Variants in HPS1 observed in about 807,000 individuals in gnomAD.
The protein encoded by HPS1 is HPS1 biogenesis of lysosomal organelles complex 3 subunit 1, also known as BLOC-3 complex member HPS1.
HPS1 carries 59 observed loss-of-function variants against 90.6 expected under a neutral mutation model. The ratio of observed to expected loss-of-function variants is 0.65; its 90% CI spans 0.53 to 0.81. The LOEUF is 0.81. HPS1 is among the 30% of genes least tolerant of loss of function. HPS1 has a pLI of 0.00. For missense variants in HPS1, 849 were observed against 896.7 expected (o/e 0.95, Z 0.68); for synonymous variants, 388 against 384.4 (o/e 1.01, Z -0.11).
intron 1 of HPS1, among the ~76,000 whole-genome samples, chr10:98,446,393 A>G (rs1939559465): frequency 6.6e-6 from 1 of 152,232 alleles, no homozygotes; most frequent in South Asian, 2.1e-4. Context: ...AAGGAGCTCC[A>G]GATGGCGGGG....
Position 98,418,186 on chromosome 10 carries a change from T to C in HPS1, c.1929A>G (p.Gly643=), listed in dbSNP as rs1439860880. 1 of 1,604,252 alleles carries C rather than the reference T, an allele frequency of 6.2e-7. No homozygotes were observed. The change falls in exon 19 of 20, where the codon GGA becomes GGG. Residue 643 remains glycine, a synonymous_variant. Coordinates refer to ENST00000361490, the MANE Select transcript of HPS1 (RefSeq NM_000195.5). ...CAACGCAGCGTCACCTGTAGTAGTCTCCTCCCAGCATGCCGATAGGCACTG... is the reference window on the plus strand; with the variant it reads ...CAACGCAGCGTCACCTGTAGTAGTCCCCTCCCAGCATGCCGATAGGCACTG... ...DDSVPIGMLG[G]DYYRKLLRYY...
At position 98,437,896 on chromosome 10, in the gene HPS1, G is replaced by C. The variant is rs190070586; in HGVS notation, c.118-2124C>G. Among the ~76,000 whole-genome samples the C allele has an allele frequency of 1.3e-3, 198 of 152,292 alleles. 1 individual carries two copies. Among genetic ancestry groups the C allele is most frequent in the African/African-American group, 4.5e-3 (188 of 41,564 alleles). ...CAAGGGAGACCTGGTGGAGATAACT[G>C]AATCATGGGGGTGGTTCCCCCAGGC... is the stretch of plus-strand genomic sequence containing the variant. On this transcript the variant is annotated intron_variant, in intron 3 of 19. Transcript: ENST00000361490.
chr10:98,434,620 T>C (rs1847027737), intron 5 of HPS1, among the ~76,000 whole-genome samples: 1 of 151,946 alleles, frequency 6.6e-6, no homozygotes, highest in African/African-American at 2.4e-5. Flanking sequence ...GTTGCTCATA[T>C]CGCCACAAAA....
At position 98,423,875 on chromosome 10, in the gene HPS1, T is replaced by C. The variant is rs1486633847; in HGVS notation, c.1410A>G (p.Ala470=). ...AGAGCTGCCGCTTCAGCTTCCCACATGCCTGGAGCAGCCTGAGCACGAGAG... is the reference window on the plus strand; with the variant it reads ...AGAGCTGCCGCTTCAGCTTCCCACACGCCTGGAGCAGCCTGAGCACGAGAG... ...EPGSSWELLQ[A]CGKLKRQLCA... Residue 470 remains alanine (A), a synonymous_variant, in exon 15 of 20, where the codon GCA becomes GCG. Coordinates refer to ENST00000361490, the MANE Select transcript of HPS1 (RefSeq NM_000195.5). The C allele has an allele frequency of 1.9e-6, 3 of 1,613,710 alleles. No individual in the cohort carries two copies. Among genetic ancestry groups the C allele is most frequent in the South Asian group, 2.2e-5 (2 of 91,084 alleles).
chr10:98,442,721 T>C (rs992877562), intron 3 of HPS1: 1 of 299,328 alleles, frequency 3.3e-6, no homozygotes, highest in Non-Finnish European at 6.5e-6. Context: ...CTGCCCAGGC[T>C]GGTCTCAAAT....
rs1241082123 is a variant in HPS1 at position 98,425,414 on chromosome 10, G to A, written c.1335+127C>T. 6 of 874,190 alleles carry A rather than the reference G, an allele frequency of 6.9e-6. No individual in the cohort carries two copies. The East Asian group carries it at 1.6e-4, about 23-fold the overall frequency. 54.2% of individuals were successfully genotyped at this position (874,190 alleles called of 1,614,324 possible). A position where few individuals can be genotyped will look rare whatever the true frequency, so the allele number is the denominator to read the frequency against. ...ATAATAGGGAAAACAAGGATCGTAG[G>A]CCCGGGGGAGGTGGAGCCCGGACAG... On this transcript the variant is annotated intron_variant, in intron 13 of 19. Coordinates refer to ENST00000361490, the MANE Select transcript of HPS1 (RefSeq NM_000195.5).
At position 98,435,249 on chromosome 10, in the gene HPS1, G is replaced by C; in HGVS notation, c.398+23C>G. Reference sequence around the variant, plus strand: ...GCGAGGGTGCTCGGCAAAGGACAGAGGGGACCAGCTTTGAAGACTCACTCC... The same window carrying C: ...GCGAGGGTGCTCGGCAAAGGACAGACGGGACCAGCTTTGAAGACTCACTCC... On this transcript the variant is annotated intron_variant, in intron 5 of 19. Transcript: ENST00000361490. The surrounding 1 kb of genome is among the most constrained non-coding windows in gnomAD (Gnocchi z 4.3). 1.2e-6 allele frequency: 2 copies of C among 1,613,866 alleles called. No individual in the cohort carries two copies. Among genetic ancestry groups the C allele is most frequent in the Non-Finnish European group, 1.7e-6 (2 of 1,180,020 alleles).
In HPS1 at chr10:98,417,984, T is replaced by C. The variant is rs1844324501; in HGVS notation, c.1940+191A>G. ...CAAGACCATGCCAGCAGGAAGGTGG[T>C]AGGAACACAGATGTACCCTCCACAC... On this transcript the variant is annotated intron_variant, in intron 19 of 19. Coordinates refer to ENST00000361490, the MANE Select transcript of HPS1 (RefSeq NM_000195.5). The surrounding 1 kb of genome is among the most constrained non-coding windows in gnomAD (Gnocchi z 4.2). 1.3e-5 allele frequency among the ~76,000 whole-genome samples: 2 copies of C among 151,954 alleles called. No homozygotes were observed. The highest frequency in any genetic ancestry group is 2.9e-5 in the Non-Finnish European group (2 of 67,986).
chr10:98,423,109 G>GT (rs1845105764), intron 16 of HPS1, among the ~76,000 whole-genome samples: 1 of 152,208 alleles, frequency 6.6e-6, no homozygotes, highest in Non-Finnish European at 1.5e-5. Flanking sequence ...TGGAAAATCA[G>GT]TATTCGATAA....
chr10:98,414,888 G>T (rs1843941407), downstream of HPS1: 2 of 1,409,810 alleles, frequency 1.4e-6, no homozygotes, highest in African/African-American at 2.9e-5. Context: ...TAAACTTCTG[G>T]CTGGGTTATG....
intron 3 of HPS1, among the ~76,000 whole-genome samples, chr10:98,436,247 C>T (rs748203017): frequency 5.3e-5 from 8 of 151,988 alleles, no homozygotes; most frequent in Non-Finnish European, 8.8e-5. Flanking sequence ...ATGTTAACAT[C>T]TAGTATCAGG....
chr10:98,414,972 C>A (rs754134033), downstream of HPS1: 30 of 1,604,622 alleles, frequency 1.9e-5, no homozygotes, highest in African/African-American at 4.0e-5. Context: ...TGTCTTCCCG[C>A]CCCTCAGCTC....
At chr10:98,446,547 G>C (rs1199666291) in intron 1 of HPS1, among the ~76,000 whole-genome samples, 2 of 152,082 alleles carry the variant, frequency 1.3e-5, no homozygotes, top group African/African-American at 2.4e-5. Flanking sequence ...TCTCTGGAGA[G>C]AGCGAGTCAG....
chr10:98,417,772 C>T lies in HPS1; in HGVS notation c.1941-46G>A. 2 of 1,586,316 alleles carry T rather than the reference C, an allele frequency of 1.3e-6. No homozygotes were observed. The highest frequency in any genetic ancestry group is 1.7e-6 in the Non-Finnish European group (2 of 1,155,894). On this transcript the variant is annotated intron_variant, in intron 19 of 19. Transcript: ENST00000361490. This position sits in a 1 kb window ranked among gnomAD's most constrained non-coding sequence, Gnocchi z 4.2. ...GGGATTCAGGAGTGAGGCTGTGGCA[C>T]TCCTCCAGCGCCAGAGGCCTCTCTG...
chr10:98,431,585 G>C (rs1274583257), intron 6 of HPS1, among the ~76,000 whole-genome samples: 1 of 152,210 alleles, frequency 6.6e-6, no homozygotes, highest in Non-Finnish European at 1.5e-5. Flanking sequence ...AAATAGCAGA[G>C]ACCTCCTTGG....
intron 2 of HPS1, among the ~76,000 whole-genome samples, chr10:98,444,039 A>AGAAC (rs1554901663): frequency 6.7e-6 from 1 of 149,900 alleles, no homozygotes; most frequent in Non-Finnish European, 1.5e-5. Context: ...TCTGTCTGAA[A>AGAAC]AAACAAACAA....
chr10:98,433,928 G>A (rs1460070187), intron 6 of HPS1, 55 bp downstream of exon 6: 14 of 1,546,772 alleles, frequency 9.1e-6, no homozygotes, highest in Admixed American at 2.0e-5. Context: ...AAAGGTGGAC[G>A]CCCCCTCTGA....
At chr10:98,420,306 G>C in intron 17 of HPS1, 148 bp from the exon 18 acceptor site, 1 of 693,578 alleles carries the variant, frequency 1.4e-6, no homozygotes, top group Non-Finnish European at 2.6e-6. Flanking sequence ...TTGGCTCAGA[G>C]CAGGAGGCTC....
intron 1 of HPS1, among the ~76,000 whole-genome samples, chr10:98,446,364 G>C (rs1160612487): frequency 6.6e-6 from 1 of 152,236 alleles, no homozygotes; most frequent in African/African-American, 2.4e-5. Flanking sequence ...AAGGGAACTC[G>C]GAGGGGACTC....
Sources: allele counts gnomAD v4.1 joint callset (sites outside exome capture counted in the v4.1 genomes callset), GRCh38; gene constraint gnomAD v4.1.1; non-coding constraint Gnocchi (gnomAD v3.1); transcripts MANE v1.5; gene names NCBI Gene and HGNC (gene_info 2026-07-23, HGNC 2026-07-21).